Variants in SLC66A2 observed in about 807,000 individuals in gnomAD.
The protein encoded by SLC66A2 is solute carrier family 66 member 2.
SLC66A2 carries 23 observed loss-of-function variants against 25.5 expected under a neutral mutation model. The observed-to-expected ratio is 0.90, with a 90% CI of 0.65 to 1.28. The LOEUF (loss-of-function observed/expected upper bound fraction) is 1.28, where lower values mean the gene tolerates loss of function less well. Among genes scored for constraint, SLC66A2 ranks in the 50% most tolerant of loss-of-function variants. The probability of loss-of-function intolerance (pLI) is 0.00; values close to 1 mark genes in which losing one functional copy is unlikely to be tolerated. For synonymous variants in SLC66A2, 193 were observed against 166.5 expected, an observed-to-expected ratio of 1.16 and a Z score of -1.23; for missense variants, 396 against 373.1, an observed-to-expected ratio of 1.06 and a Z score of -0.51.
At chr18:79,919,711 AGGGAGAG>A in intron 4 of SLC66A2, among the ~76,000 whole-genome samples, 1 of 23,888 alleles carries the variant, frequency 4.2e-5, no homozygotes, top group African/African-American at 8.8e-5. Flanking sequence ...ACAGGAACCG[AGGGAGAG>A]GTCAAGGTCA....
In SLC66A2 at chr18:79,918,280, C is replaced by T. The variant is rs902464155; in HGVS notation, c.608+904G>A. On this transcript the variant is annotated intron_variant, in intron 5 of 5. Coordinates refer to ENST00000397778, the MANE Select transcript of SLC66A2 (RefSeq NM_025078.5). The surrounding 1 kb of genome is among the most constrained non-coding windows in gnomAD (Gnocchi z 4.0). ...CTTCCAGGCTGTTTCCCACAAATAA[C>T]AAATCCAAGAATAACATTCCCTCCA... is the stretch of plus-strand genomic sequence containing the variant. 2.0e-5 allele frequency among the ~76,000 whole-genome samples: 3 copies of T among 152,246 alleles called. No homozygotes were observed. Among genetic ancestry groups the T allele is most frequent in the African/African-American group, 7.2e-5 (3 of 41,466 alleles).
At chr18:79,913,710 G>A (rs1482069299) in intron 5 of SLC66A2, among the ~76,000 whole-genome samples, 4 of 152,152 alleles carry the variant, frequency 2.6e-5, no homozygotes, top group South Asian at 2.1e-4. Flanking sequence ...AGATCAACTC[G>A]GGAATTCTTG....
rs531316433 is a variant in SLC66A2, at chr18:79,946,151, A to G, written c.204-2689T>C. 5.9e-5 allele frequency among the ~76,000 whole-genome samples: 9 copies of G among 152,348 alleles called. No homozygotes were observed. The East Asian group carries it at 1.4e-3, about 23-fold the overall frequency. On this transcript the variant is annotated intron_variant, in intron 2 of 5. Transcript: ENST00000397778. ...ACACATCAAAAATCAAATCTAGAGA[A>G]ACTCGATATGCACAGTAAAGAATGA... is the stretch of plus-strand genomic sequence containing the variant.
At chr18:79,919,426 C>T in intron 4 of SLC66A2, 26 bp from the exon 5 acceptor site, 2 of 1,581,802 alleles carry the variant, frequency 1.3e-6, no homozygotes, top group African/African-American at 1.3e-5. Context: ...GAAGCAGCCT[C>T]AGCACAGCTT....
At chr18:79,935,000 C>T (rs1019827239) in intron 3 of SLC66A2, among the ~76,000 whole-genome samples, 6 of 151,896 alleles carry the variant, frequency 4.0e-5, no homozygotes, top group Admixed American at 2.0e-4. Context: ...GTGCAGTCTT[C>T]TCTCCTCCCT....
Position 79,918,924 on chromosome 18 carries a change from C to T in SLC66A2, c.608+260G>A, listed in dbSNP as rs953238585. 2.0e-5 allele frequency among the ~76,000 whole-genome samples: 3 copies of T among 152,230 alleles called. No individual in the cohort carries two copies. Among genetic ancestry groups the T allele is most frequent in the Non-Finnish European group, 4.4e-5 (3 of 68,042 alleles). ...GGACATCCCTCCCACTGGAAGGTTC[C>T]GTCTCAACGGCCCTGAAGGAGCAGC... On this transcript the variant is annotated intron_variant, in intron 5 of 5. Transcript: ENST00000397778. The surrounding 1 kb of genome is among the most constrained non-coding windows in gnomAD (Gnocchi z 4.0).
chr18:79,915,087 C>T (rs1029974211), intron 5 of SLC66A2, among the ~76,000 whole-genome samples: 2 of 152,248 alleles, frequency 1.3e-5, no homozygotes, highest in African/African-American at 4.8e-5. Flanking sequence ...TCAGGCCATG[C>T]AGAGGCAACG....
intron 4 of SLC66A2, among the ~76,000 whole-genome samples, chr18:79,923,263 G>A (rs1393611710): frequency 5.0e-5 from 7 of 140,344 alleles, no homozygotes; most frequent in African/African-American, 1.9e-4. Context: ...GGTGGAGGAC[G>A]GGGGGCCATG....
Position 79,940,707 on chromosome 18 carries a change from C to T in SLC66A2, c.337+2622G>A, listed in dbSNP as rs1987587821. On this transcript the variant is annotated intron_variant, in intron 3 of 5. Coordinates refer to ENST00000397778, the MANE Select transcript of SLC66A2 (RefSeq NM_025078.5). The surrounding 1 kb of genome is among the most constrained non-coding windows in gnomAD (Gnocchi z 4.1). ...GCAGATGAGAGGACATGAGCCCACACCTTTCATCAAGACGCCCTGCAGGAA... is the reference window on the plus strand; with the variant it reads ...GCAGATGAGAGGACATGAGCCCACATCTTTCATCAAGACGCCCTGCAGGAA... 6.6e-6 allele frequency among the ~76,000 whole-genome samples: 1 copy of T among 152,272 alleles called. No individual in the cohort carries two copies. The highest frequency in any genetic ancestry group is 1.9e-4 in the East Asian group (1 of 5,184).
In SLC66A2 at chr18:79,919,273, G is replaced by C. The variant is rs754685293; in HGVS notation, c.519C>G (p.Thr173=). ...CGGTCAGCACAGCCAGGAAGCCCAG[G>C]GTCTCCACAAACAGGGCGGAGTCAA... ...LSIDSALFVE[T]LGFLAVLTEA... The change falls in exon 5 of 6, where the codon ACC becomes ACG. Residue 173 remains threonine, a synonymous_variant. Coordinates refer to ENST00000397778, the MANE Select transcript of SLC66A2 (RefSeq NM_025078.5). 35 of 1,613,332 alleles carry C rather than the reference G, an allele frequency of 2.2e-5. No individual in the cohort carries two copies. Among genetic ancestry groups the C allele is most frequent in the Non-Finnish European group, 3.0e-5 (35 of 1,180,016 alleles).
chr18:79,939,982 A>G (rs1203487821), intron 3 of SLC66A2, among the ~76,000 whole-genome samples: 1 of 152,218 alleles, frequency 6.6e-6, no homozygotes, highest in African/African-American at 2.4e-5. Flanking sequence ...CCATCAATGA[A>G]AATCATCTAG....
rs1445196068 is a variant in SLC66A2 at position 79,933,040 on chromosome 18, A to G, written c.391+929T>C. Reference sequence around the variant, plus strand: ...CATGTCTTACGAATACAGATACAAAAAATCCCCAATACAATACTAGCAAAT... The same window carrying G: ...CATGTCTTACGAATACAGATACAAAGAATCCCCAATACAATACTAGCAAAT... On this transcript the variant is annotated intron_variant, in intron 4 of 5. Coordinates refer to ENST00000397778, the MANE Select transcript of SLC66A2 (RefSeq NM_025078.5). 2.0e-5 allele frequency among the ~76,000 whole-genome samples: 3 copies of G among 152,328 alleles called. No individual in the cohort carries two copies. In the East Asian group the frequency reaches 5.8e-4, roughly 29 times the overall value.
rs1302961436 is a variant in SLC66A2 at position 79,919,314 on chromosome 18, T to C, written c.478A>G (p.Ile160Val). 14 of 1,613,114 alleles carry C rather than the reference T, an allele frequency of 8.7e-6. No individual in the cohort carries two copies. Among genetic ancestry groups the C allele is most frequent in the Non-Finnish European group, 1.2e-5 (14 of 1,180,032 alleles). Residue 160 changes from isoleucine (I) to valine (V), a missense_variant, in exon 5 of 6, where the codon ATC becomes GTC. Transcript: ENST00000397778. ...GCGGAGTCAATGGACAGGTAGGTGA[T>C]GTAGCCCGCCACGCCCGTGAAGGCC... ...VLAFTGVAGYITYLSIDSALF... is the reference protein window; with the variant it reads ...VLAFTGVAGYVTYLSIDSALF...
rs1599461213 is a variant in SLC66A2, at chr18:79,903,722, TTA to T, written c.*252_*253del. 22 of 511,264 alleles carry T rather than the reference TTA, an allele frequency of 4.3e-5. No individual in the cohort carries two copies. The East Asian group carries it at 7.7e-4, about 18-fold the overall frequency. 31.7% of individuals were successfully genotyped at this position (511,264 alleles called of 1,614,324 possible). On this transcript the variant is annotated 3_prime_UTR_variant, in exon 6 of 6. Coordinates refer to ENST00000397778, the MANE Select transcript of SLC66A2 (RefSeq NM_025078.5). ...AGGAAATGGGGAAAACACTTGCTTT[TTA>T]TGTCATCCTAAAAACATCCAAAACC... is the stretch of plus-strand genomic sequence containing the variant.
At chr18:79,910,698 G>A (rs559261990) in intron 5 of SLC66A2, among the ~76,000 whole-genome samples, 12 of 152,288 alleles carry the variant, frequency 7.9e-5, no homozygotes, top group African/African-American at 2.9e-4. Flanking sequence ...ATAGAGAAAC[G>A]TGGCACCCCG....
intron 5 of SLC66A2, chr18:79,916,039 G>A (rs1285145522): frequency 9.7e-6 from 2 of 207,142 alleles, no homozygotes; most frequent in Admixed American, 6.4e-5. Flanking sequence ...CATACCCACG[G>A]TGCTCCCGTA....
Position 79,943,566 on chromosome 18 carries a change from C to G in SLC66A2, c.204-104G>C. The G allele has an allele frequency of 5.2e-6, 7 of 1,353,150 alleles. No individual in the cohort carries two copies. The South Asian group carries it at 8.0e-5, about 16-fold the overall frequency. The allele number at this position is 1,353,150 out of a possible 1,614,324, so 83.8% of individuals were successfully genotyped here. A position where few individuals can be genotyped will look rare whatever the true frequency, so the allele number is the denominator to read the frequency against. Reference sequence around the variant, plus strand: ...CCGGGTCAGGAGGGAGGCCCACCCACGCCGCCCCTCCCAGTCCTGAACCTG... The same window carrying G: ...CCGGGTCAGGAGGGAGGCCCACCCAGGCCGCCCCTCCCAGTCCTGAACCTG... On this transcript the variant is annotated intron_variant, in intron 2 of 5. Coordinates refer to ENST00000397778, the MANE Select transcript of SLC66A2 (RefSeq NM_025078.5).
rs531178610 is a variant in SLC66A2 at position 79,937,351 on chromosome 18, C to T, written c.338-3329G>A. ...CCCAGCAGCATCTGACGCGGCTCCC[C>T]GGCCAGAGGGAAGAACTGGAGCATT... On this transcript the variant is annotated intron_variant, in intron 3 of 5. Transcript: ENST00000397778. This position sits in a 1 kb window ranked among gnomAD's most constrained non-coding sequence, Gnocchi z 5.4. Among the ~76,000 whole-genome samples, 1 of 152,302 alleles carries T rather than the reference C, an allele frequency of 6.6e-6. No individual in the cohort carries two copies. The highest frequency in any genetic ancestry group is 2.4e-5 in the African/African-American group (1 of 41,558).
chr18:79,912,520 G>T (rs1249536367), intron 5 of SLC66A2, among the ~76,000 whole-genome samples: 1 of 151,468 alleles, frequency 6.6e-6, no homozygotes, highest in East Asian at 1.9e-4. Context: ...GTGTCGCCAG[G>T]CCACGTGTCA....
Sources: gnomAD v4.1 joint callset for allele counts (sites outside exome capture counted in the v4.1 genomes callset) on GRCh38, gnomAD v4.1.1 for gene constraint, Gnocchi (gnomAD v3.1) non-coding constraint, MANE v1.5 for transcripts, NCBI Gene and HGNC (gene_info 2026-07-23, HGNC 2026-07-21) for gene names.